AP1M1: variants seen among roughly 807,000 people sequenced by gnomAD.
AP1M1 encodes the protein AP-1 complex subunit mu-1.
In AP1M1, 18 loss-of-function variants were observed where a neutral mutation model predicts 57.1. The ratio of observed to expected loss-of-function variants is 0.32; its 90% CI spans 0.22 to 0.47. AP1M1 has a LOEUF of 0.47. Among genes scored for constraint, AP1M1 ranks in the 20% least tolerant of loss-of-function variants. AP1M1 has a pLI of 1.00. For missense variants in AP1M1, 362 were observed against 593.5 expected, an observed-to-expected ratio of 0.61 and a Z score of 4.05; for synonymous variants, 241 against 237.9, an observed-to-expected ratio of 1.01 and a Z score of -0.12.
chr19:16,220,264 G>A (rs955973885), intron 5 of AP1M1, among the ~76,000 whole-genome samples: 1 of 152,222 alleles, frequency 6.6e-6, no homozygotes, highest in East Asian at 1.9e-4. Context: ...GAGGGCAGTA[G>A]CGTGAACACA....
intron 1 of AP1M1, among the ~76,000 whole-genome samples, chr19:16,201,251 T>C (rs1251473325): frequency 1.3e-5 from 2 of 152,108 alleles, no homozygotes; most frequent in African/African-American, 4.8e-5. Context: ...ACAGGAGTAG[T>C]TGCTGTTCTC....
rs1203385776 is a variant in AP1M1, at chr19:16,207,009, G to C, written c.267+601G>C. 2.6e-5 allele frequency among the ~76,000 whole-genome samples: 4 copies of C among 152,222 alleles called. No individual in the cohort carries two copies. The highest frequency in any genetic ancestry group is 9.6e-5 in the African/African-American group (4 of 41,452). On this transcript the variant is annotated intron_variant, in intron 3 of 11. Coordinates refer to ENST00000291439, the MANE Select transcript of AP1M1 (RefSeq NM_032493.4). The surrounding 1 kb of genome is among the most constrained non-coding windows in gnomAD (Gnocchi z 4.2). ...GGATTTCATTCCACTTCTGATGAAA[G>C]GTAGTGGAGGGCTTTAAGCAGGAGA... is the stretch of plus-strand genomic sequence containing the variant.
chr19:16,200,348 G>T (rs1395440982), intron 1 of AP1M1, among the ~76,000 whole-genome samples: 1 of 152,154 alleles, frequency 6.6e-6, no homozygotes, highest in African/African-American at 2.4e-5. Context: ...GTTGCAAGGG[G>T]CAGCCTGCTG....
Position 16,227,645 on chromosome 19 carries a change from A to G in AP1M1, c.771A>G (p.Pro257=), listed in dbSNP as rs1354039581. 2 of 1,613,562 alleles carry G rather than the reference A, an allele frequency of 1.2e-6. No homozygotes were observed. Among genetic ancestry groups the G allele is most frequent in the Non-Finnish European group, 1.7e-6 (2 of 1,179,854 alleles). The change falls in exon 7 of 12, where the codon CCA becomes CCG. Residue 257 remains proline, a synonymous_variant. Transcript: ENST00000291439. The surrounding 1 kb of genome is among the most constrained non-coding windows in gnomAD (Gnocchi z 6.2). ...FENDRTISFI[P]PDGEFELMSY... is the part of the protein sequence containing the mutation. ...ATGACCGCACCATCTCCTTCATCCC[A>G]CCCGACGGCGAGTTCGAGCTCATGT...
Position 16,206,484 on chromosome 19 carries a change from GC to G in AP1M1, c.267+78del. The G allele has an allele frequency of 2.0e-6, 3 of 1,496,270 alleles. No homozygotes were observed. Among genetic ancestry groups the G allele is most frequent in the Non-Finnish European group, 2.8e-6 (3 of 1,075,506 alleles). The allele number at this position is 1,496,270 out of a possible 1,614,324, so 92.7% of individuals were successfully genotyped here. The stretch of plus-strand genomic sequence containing the variant: ...CTGCTTGTGGACCTCCCCATACCTG[GC>G]CACCCTACAGAGAGCTGTGGCATCC... On this transcript the variant is annotated intron_variant, in intron 3 of 11. Coordinates refer to ENST00000291439, the MANE Select transcript of AP1M1 (RefSeq NM_032493.4). The surrounding 1 kb of genome is among the most constrained non-coding windows in gnomAD (Gnocchi z 4.3).
In AP1M1 at chr19:16,230,019, G is replaced by GT. The variant is rs374272119; in HGVS notation, c.1047+1094dup. ...CTGCAATTCCACTGTTGAAAATAGT[G>GT]TTTATCATTTAAAACACACTGGGAG... On this transcript the variant is annotated intron_variant, in intron 9 of 11. Transcript: ENST00000291439. Among the ~76,000 whole-genome samples the GT allele has an allele frequency of 8.0e-4, 122 of 152,276 alleles. 1 individual carries two copies. The highest frequency in any genetic ancestry group is 2.4e-3 in the African/African-American group (100 of 41,554).
intron 5 of AP1M1, among the ~76,000 whole-genome samples, chr19:16,217,203 G>T (rs1054742296): frequency 6.6e-6 from 1 of 152,100 alleles, no homozygotes; most frequent in Non-Finnish European, 1.5e-5. Context: ...TCTCTGCCTA[G>T]TTTCCTGTGG....
At chr19:16,234,332 C>T (rs1266106157) in intron 11 of AP1M1, 58 bp downstream of exon 11, 1 of 1,613,148 alleles carries the variant, frequency 6.2e-7, no homozygotes, top group South Asian at 1.1e-5. Flanking sequence ...TGTGGCTGCC[C>T]CCAGGGTGGA....
At chr19:16,225,233 A>T (rs1161085934) in intron 5 of AP1M1, among the ~76,000 whole-genome samples, 1 of 152,210 alleles carries the variant, frequency 6.6e-6, no homozygotes, top group African/African-American at 2.4e-5. Flanking sequence ...GACATCATGC[A>T]TAAGACTGCA....
At chr19:16,221,218 C>A (rs1005071679) in intron 5 of AP1M1, among the ~76,000 whole-genome samples, 8 of 152,218 alleles carry the variant, frequency 5.3e-5, no homozygotes, top group African/African-American at 1.9e-4. Context: ...ACCTCTGCCT[C>A]CCAGGTTCAA....
chr19:16,198,463 G>C (rs1258715154), intron 1 of AP1M1, among the ~76,000 whole-genome samples: 1 of 152,134 alleles, frequency 6.6e-6, no homozygotes, highest in Admixed American at 6.5e-5. Flanking sequence ...GGCGTGGCGG[G>C]GACTGGGTGC....
chr19:16,208,915 A>C, intron 4 of AP1M1, 115 bp from the exon 5 acceptor site: 1 of 1,285,614 alleles, frequency 7.8e-7, no homozygotes. Flanking sequence ...GCTATTTTCA[A>C]GTCGGTCAGA....
In AP1M1 at chr19:16,222,209, TTA is replaced by T. The variant is rs1382567006; in HGVS notation, c.547-4210_547-4209del. Among the ~76,000 whole-genome samples, 147 of 118,584 alleles carry T rather than the reference TTA, an allele frequency of 1.2e-3. 1 individual carries two copies. Among genetic ancestry groups the T allele is most frequent in the South Asian group, 3.2e-3 (12 of 3,714 alleles). The allele number at this position is 118,584 out of a possible 152,430, so 77.8% of individuals were successfully genotyped here. On this transcript the variant is annotated intron_variant, in intron 5 of 11. Transcript: ENST00000291439. ...ATTATTATTATTACTATTATTATTA[TTA>T]TTTTTTTTTTTTTTGAGATAGGTTC...
rs2091431585 is a variant in AP1M1, at chr19:16,198,062, G to A, written c.36G>A (p.Lys12=). ...GCGCCGTCTACGTGCTGGACCTGAAGGGCAAGGTACTGAGGGCTCCCCACC... is the reference window on the plus strand; with the variant it reads ...GCGCCGTCTACGTGCTGGACCTGAAAGGCAAGGTACTGAGGGCTCCCCACC... The part of the protein sequence containing the change: ...SASAVYVLDL[K]GKVLICRNYR... Residue 12 remains lysine, a synonymous_variant, in exon 1 of 12, where the codon AAG becomes AAA. Transcript: ENST00000291439. 1.9e-6 allele frequency: 3 copies of A among 1,604,366 alleles called. No individual in the cohort carries two copies. The highest frequency in any genetic ancestry group is 1.4e-5 in the African/African-American group (1 of 72,808).
intron 9 of AP1M1, among the ~76,000 whole-genome samples, chr19:16,231,253 A>C (rs1314526846): frequency 2.8e-5 from 4 of 142,750 alleles, no homozygotes; most frequent in African/African-American, 1.1e-4. Flanking sequence ...GCACCACTGC[A>C]CTCCAGCCTG....
At chr19:16,226,809 T>G in intron 6 of AP1M1, 1 of 372,616 alleles carries the variant, frequency 2.7e-6, no homozygotes, top group South Asian at 5.8e-5. Context: ...CACCCTGCCC[T>G]GCTCTGCCTG....
At chr19:16,234,068 CCT>C (rs367573061) in intron 10 of AP1M1, 129 bp from the exon 11 acceptor site, 40 of 848,128 alleles carry the variant, frequency 4.7e-5, no homozygotes, top group African/African-American at 3.6e-4. Flanking sequence ...CTTTCACCCC[CCT>C]GAGGCCTGTG....
In AP1M1 at chr19:16,234,652, C is replaced by T; in HGVS notation, c.*217C>T. On this transcript the variant is annotated 3_prime_UTR_variant, in exon 12 of 12. Coordinates refer to ENST00000291439, the MANE Select transcript of AP1M1 (RefSeq NM_032493.4). ...GAAGAGGCTGGTCTTCAAGAAGTCT[C>T]GTTTCTTTGCCCCTGAAGTCAGTTT... is the stretch of plus-strand genomic sequence containing the variant. 3.3e-6 allele frequency: 2 copies of T among 610,488 alleles called. No homozygotes were observed. Among genetic ancestry groups the T allele is most frequent in the South Asian group, 2.0e-5 (1 of 50,514 alleles). 37.8% of individuals were successfully genotyped at this position (610,488 alleles called of 1,614,324 possible).
Position 16,203,677 on chromosome 19 carries a change from T to G in AP1M1, c.199+62T>G. ...GTGTGGGTGTTGGTGTGTGTGCATA[T>G]CCACACGCCTGCAAGCAGGGCTGGT... On this transcript the variant is annotated intron_variant, in intron 2 of 11. Coordinates refer to ENST00000291439, the MANE Select transcript of AP1M1 (RefSeq NM_032493.4). The surrounding 1 kb of genome is among the most constrained non-coding windows in gnomAD (Gnocchi z 4.6). 4.0e-6 allele frequency: 6 copies of G among 1,502,728 alleles called. No individual in the cohort carries two copies. The highest frequency in any genetic ancestry group is 5.4e-6 in the Non-Finnish European group (6 of 1,107,412). The allele number at this position is 1,502,728 out of a possible 1,614,324, so 93.1% of individuals were successfully genotyped here. A position where few individuals can be genotyped will look rare whatever the true frequency, so the allele number is the denominator to read the frequency against.
Sources: allele counts gnomAD v4.1 joint callset (sites outside exome capture counted in the v4.1 genomes callset), GRCh38; gene constraint gnomAD v4.1.1; non-coding constraint Gnocchi (gnomAD v3.1); transcripts MANE v1.5; gene names NCBI Gene and HGNC (gene_info 2026-07-23, HGNC 2026-07-21).